The following SPTB variants were observed in gnomAD, a reference collection of about 807,000 sequenced individuals.
SPTB encodes the protein spectrin beta, erythrocytic, also known as spectrin beta chain, erythrocytic.
SPTB carries 45 observed loss-of-function variants against 256.2 expected under a neutral mutation model. The ratio of observed to expected loss-of-function variants is 0.18; its 90% CI spans 0.14 to 0.23. The LOEUF is 0.23. Among genes scored for constraint, SPTB ranks in the 10% least tolerant of loss-of-function variants. SPTB has a pLI of 1.00. For missense variants in SPTB, 2,715 were observed against 3,040.4 expected, an observed-to-expected ratio of 0.89 and a Z score of 2.52; for synonymous variants, 1,231 against 1,243.1, an observed-to-expected ratio of 0.99 and a Z score of 0.21.
At chr14:64,822,903 T>A (rs1256737368) in intron 2 of SPTB, 44 bp downstream of exon 2, 2 of 1,611,942 alleles carry the variant, frequency 1.2e-6, no homozygotes, top group Admixed American at 3.3e-5. Flanking sequence ...GTGAACCTTG[T>A]GACTGTGAGA....
intron 4 of SPTB, 109 bp downstream of exon 4, chr14:64,803,498 T>C (rs17180504): frequency 1.6e-6 from 2 of 1,282,026 alleles, no homozygotes; most frequent in Non-Finnish European, 1.1e-6. Flanking sequence ...TTTACAGCCT[T>C]CCCAGAATGT....
At chr14:64,815,855 C>G (rs550136323) in intron 2 of SPTB, among the ~76,000 whole-genome samples, 1 of 152,260 alleles carries the variant, frequency 6.6e-6, no homozygotes, top group East Asian at 1.9e-4. Context: ...GTTCAAGCCC[C>G]TGGTGTTACA....
At chr14:64,784,180 G>A in intron 19 of SPTB, 67 bp downstream of exon 19, 1 of 1,608,682 alleles carries the variant, frequency 6.2e-7, no homozygotes, top group Non-Finnish European at 8.5e-7. Context: ...CCACACCCTG[G>A]GTGAAGCCCA....
Position 64,878,565 on chromosome 14 carries a change from T to C in SPTB, c.-52+1227A>G, listed in dbSNP as rs1048312502. ...TCAGAGCCATCTGTGAAGCTAAGGATAGGACAGTGGACAGTTGAGCTGTGC... is the reference window on the plus strand; with the variant it reads ...TCAGAGCCATCTGTGAAGCTAAGGACAGGACAGTGGACAGTTGAGCTGTGC... On this transcript the variant is annotated intron_variant, in intron 1 of 35. Transcript: ENST00000644917. 2.0e-5 allele frequency among the ~76,000 whole-genome samples: 3 copies of C among 152,282 alleles called. No homozygotes were observed. In the South Asian group the frequency reaches 6.2e-4, roughly 32 times the overall value.
chr14:64,785,456 C>A lies in SPTB; in HGVS notation c.3855+81G>T. On this transcript the variant is annotated intron_variant, in intron 18 of 35. Transcript: ENST00000644917. The surrounding 1 kb of genome is among the most constrained non-coding windows in gnomAD (Gnocchi z 4.4). Reference sequence around the variant, plus strand: ...ACAGCTCTTGAGCTAGAAAGGATCCCTGTGGACTTCCTGCCTTGAGGGAAC... The same window carrying A: ...ACAGCTCTTGAGCTAGAAAGGATCCATGTGGACTTCCTGCCTTGAGGGAAC... The A allele has an allele frequency of 7.7e-7, 1 of 1,296,978 alleles. No individual in the cohort carries two copies. The highest frequency in any genetic ancestry group is 1.5e-5 in the African/African-American group (1 of 68,432). 80.3% of individuals were successfully genotyped at this position (1,296,978 alleles called of 1,614,324 possible).
chr14:64,853,599 C>A lies in SPTB; in HGVS notation c.-52+26193G>T, dbSNP rs1005913160. 6.6e-6 allele frequency among the ~76,000 whole-genome samples: 1 copy of A among 152,136 alleles called. No individual in the cohort carries two copies. Among genetic ancestry groups the A allele is most frequent in the Non-Finnish European group, 1.5e-5 (1 of 68,036 alleles). On this transcript the variant is annotated intron_variant, in intron 1 of 35. Transcript: ENST00000644917. The surrounding 1 kb of genome is among the most constrained non-coding windows in gnomAD (Gnocchi z 4.3). ...AATCAGAGTACAACGAAGAATGTAGCCCATTCCTTCAAAATGTTTGATGGG... is the reference window on the plus strand; with the variant it reads ...AATCAGAGTACAACGAAGAATGTAGACCATTCCTTCAAAATGTTTGATGGG...
At chr14:64,781,591 A>C (rs553485447) in intron 20 of SPTB, among the ~76,000 whole-genome samples, 10 of 152,240 alleles carry the variant, frequency 6.6e-5, no homozygotes, top group Non-Finnish European at 1.3e-4. Flanking sequence ...TTGCAGAGAA[A>C]AGGGAACCCT....
intron 18 of SPTB, 135 bp from the exon 19 acceptor site, chr14:64,784,528 G>T (rs1029035151): frequency 1.7e-6 from 2 of 1,199,364 alleles, no homozygotes; most frequent in African/African-American, 1.5e-5. Context: ...CCCATCTGCA[G>T]TTCTGGATCC....
At position 64,826,745 on chromosome 14, in the gene SPTB, G is replaced by A. The variant is rs1437707936; in HGVS notation, c.-51-3600C>T. On this transcript the variant is annotated intron_variant, in intron 1 of 35. Transcript: ENST00000644917. The surrounding 1 kb of genome is among the most constrained non-coding windows in gnomAD (Gnocchi z 4.4). ...TCTGGTCTCCGTGACTCTGTGCCCA[G>A]AGAGGTCCACCTGCCCCATCCATCC... Among the ~76,000 whole-genome samples, 3 of 152,094 alleles carry A rather than the reference G, an allele frequency of 2.0e-5. No individual in the cohort carries two copies. Among genetic ancestry groups the A allele is most frequent in the Non-Finnish European group, 4.4e-5 (3 of 68,022 alleles).
chr14:64,759,156 C>T lies in SPTB; in HGVS notation c.6346-5363G>A. ...CAGCAAGTCAGTAGCAGAGCTGAGG[C>T]AAGAATCCATGGCCCTGCTTCCTAT... On this transcript the variant is annotated intron_variant, in intron 32 of 35. Transcript: ENST00000644917. This position sits in a 1 kb window ranked among gnomAD's most constrained non-coding sequence, Gnocchi z 4.8. Among the ~76,000 whole-genome samples the T allele has an allele frequency of 6.6e-6, 1 of 152,188 alleles. No individual in the cohort carries two copies. The highest frequency in any genetic ancestry group is 1.9e-4 in the East Asian group (1 of 5,186).
chr14:64,838,600 A>G (rs1228099695), intron 1 of SPTB, among the ~76,000 whole-genome samples: 5 of 152,346 alleles, frequency 3.3e-5, no homozygotes, highest in South Asian at 2.1e-4. Flanking sequence ...TTTACCAAAA[A>G]AAGAAATATA....
At chr14:64,871,850 T>C (rs1337147182) in intron 1 of SPTB, among the ~76,000 whole-genome samples, 1 of 152,224 alleles carries the variant, frequency 6.6e-6, no homozygotes, top group Non-Finnish European at 1.5e-5. Flanking sequence ...TTTTTAAATA[T>C]GACAACCAGG....
chr14:64,797,404 C>A (rs756631172), intron 10 of SPTB, among the ~76,000 whole-genome samples: 7 of 131,014 alleles, frequency 5.3e-5, no homozygotes, highest in African/African-American at 2.0e-4. Context: ...GAGGACGAGG[C>A]TGCAGTGAGC....
At chr14:64,822,397 CACACAG>C (rs2083307623) in intron 2 of SPTB, among the ~76,000 whole-genome samples, 1 of 145,872 alleles carries the variant, frequency 6.9e-6, no homozygotes, top group African/African-American at 2.5e-5. Context: ...CACACACACA[CACACAG>C]AGAGATCTAT....
At chr14:64,875,593 A>G (rs1031325000) in intron 1 of SPTB, among the ~76,000 whole-genome samples, 2 of 152,252 alleles carry the variant, frequency 1.3e-5, no homozygotes, top group African/African-American at 4.8e-5. Context: ...CAAATGCCAC[A>G]TGATGATTCT....
intron 4 of SPTB, among the ~76,000 whole-genome samples, chr14:64,803,241 C>T (rs1470120633): frequency 6.6e-6 from 1 of 152,180 alleles, no homozygotes; most frequent in Non-Finnish European, 1.5e-5. Flanking sequence ...AAAATATACA[C>T]ACAGATCTTC....
At position 64,796,175 on chromosome 14, in the gene SPTB, G is replaced by T. The variant is rs2139605267; in HGVS notation, c.1341+382C>A. Among the ~76,000 whole-genome samples the T allele has an allele frequency of 6.6e-6, 1 of 152,296 alleles. No individual in the cohort carries two copies. The highest frequency in any genetic ancestry group is 3.4e-3 in the Middle Eastern group (1 of 294). On this transcript the variant is annotated intron_variant, in intron 11 of 35. Transcript: ENST00000644917. This position sits in a 1 kb window ranked among gnomAD's most constrained non-coding sequence, Gnocchi z 4.1. ...CAGCCCTGGGGTCAATTCTTAGCTAGAATTATGTCACAGCACCAGAGACCA... is the reference window on the plus strand; with the variant it reads ...CAGCCCTGGGGTCAATTCTTAGCTATAATTATGTCACAGCACCAGAGACCA...
intron 2 of SPTB, among the ~76,000 whole-genome samples, chr14:64,822,362 T>TTGGGATACACACACA (rs1566786925): frequency 3.5e-4 from 1 of 2,822 alleles, no homozygotes; most frequent in Non-Finnish European, 1.1e-3. Flanking sequence ...TCTCTCTCTC[T>TTGGGATACACACACA]CTCTCTCTCT....
intron 19 of SPTB, among the ~76,000 whole-genome samples, 175 bp from the exon 20 acceptor site, chr14:64,782,728 T>C (rs950000593): frequency 1.3e-5 from 2 of 150,668 alleles, no homozygotes; most frequent in African/African-American, 4.9e-5. Context: ...TTAGCAGGGG[T>C]GTCCAAACTT....
Sources: allele counts gnomAD v4.1 joint callset (sites outside exome capture counted in the v4.1 genomes callset), GRCh38; gene constraint gnomAD v4.1.1; non-coding constraint Gnocchi (gnomAD v3.1); transcripts MANE v1.5; gene names NCBI Gene and HGNC (gene_info 2026-07-23, HGNC 2026-07-21).